FGF13: variants seen among roughly 807,000 people sequenced by gnomAD.
FGF13 encodes the protein fibroblast growth factor 13.
Under a neutral mutation model 19.5 loss-of-function variants are expected in FGF13, and 2 were observed. The ratio of observed to expected loss-of-function variants is 0.10; its 90% CI spans 0.04 to 0.32. The LOEUF (loss-of-function observed/expected upper bound fraction) is 0.32, where lower values mean the gene tolerates loss of function less well. Among genes scored for constraint, FGF13 ranks in the 10% least tolerant of loss-of-function variants. FGF13 has a pLI of 1.00. For synonymous variants in FGF13, 72 were observed against 76.9 expected, an observed-to-expected ratio of 0.94 and a Z score of 0.33; for missense variants, 113 against 192.7, an observed-to-expected ratio of 0.59 and a Z score of 2.45.
intron 1 of FGF13, among the ~76,000 whole-genome samples, chrX:138,884,451 T>C (rs949074532): frequency 2.7e-5 from 3 of 112,399 alleles, no homozygotes; most frequent in Non-Finnish European, 5.6e-5. Context: ...ACCCAAAGTA[T>C]TTGTTCTCTA....
intron 1 of FGF13, among the ~76,000 whole-genome samples, chrX:138,960,473 C>T (rs1424010715): frequency 9.0e-6 from 1 of 111,485 alleles, no homozygotes; most frequent in African/African-American, 3.3e-5. Flanking sequence ...TCATTTCAAC[C>T]TTGGTGAAGC....
At chrX:139,141,123 A>C (rs2083841994) in intron 1 of FGF13, among the ~76,000 whole-genome samples, 1 of 109,200 alleles carries the variant, frequency 9.2e-6, no homozygotes, top group Non-Finnish European at 1.9e-5. Flanking sequence ...ACACACACAC[A>C]CACACACACA....
intron 3 of FGF13, among the ~76,000 whole-genome samples, chrX:138,668,330 T>A (rs2089574993): frequency 9.0e-6 from 1 of 111,309 alleles, no homozygotes; most frequent in South Asian, 3.8e-4. Context: ...CCATGTAATG[T>A]CAGAGCCCTC....
At chrX:139,013,854 A>C (rs1209652044) in intron 1 of FGF13, among the ~76,000 whole-genome samples, 3 of 109,514 alleles carry the variant, frequency 2.7e-5, no homozygotes, top group African/African-American at 6.7e-5. Flanking sequence ...ACCAAACACC[A>C]CCTGTTCCCC....
intron 3 of FGF13, among the ~76,000 whole-genome samples, chrX:138,796,579 A>T (rs974671248): frequency 8.9e-6 from 1 of 111,899 alleles, no homozygotes; most frequent in African/African-American, 3.3e-5. Context: ...TCCTTTGGGT[A>T]TATACCCAGT....
chrX:138,666,607 T>G (rs1316209715), intron 3 of FGF13, among the ~76,000 whole-genome samples: 1 of 111,491 alleles, frequency 9.0e-6, no homozygotes, highest in Non-Finnish European at 1.9e-5. Flanking sequence ...GACATAAGTT[T>G]CCTTATCTAT....
At chrX:138,776,629 GT>G (rs2090589681) in intron 3 of FGF13, among the ~76,000 whole-genome samples, 1 of 112,169 alleles carries the variant, frequency 8.9e-6, no homozygotes, top group Admixed American at 9.4e-5. Context: ...TCACAGGAAA[GT>G]AAGTAGATTC....
At chrX:138,897,114 A>G (rs765125123) in intron 1 of FGF13, among the ~76,000 whole-genome samples, 26 of 111,437 alleles carry the variant, frequency 2.3e-4, no homozygotes, top group African/African-American at 8.5e-4. Flanking sequence ...GGCTCAAGAC[A>G]TTCTTCCACC....
chrX:138,821,548 C>T (rs191397398), intron 3 of FGF13, among the ~76,000 whole-genome samples: 30 of 111,476 alleles, frequency 2.7e-4, no homozygotes, highest in African/African-American at 8.1e-4. Context: ...TTGAAGACTT[C>T]GTATTTAGAA....
intron 3 of FGF13, among the ~76,000 whole-genome samples, chrX:138,655,000 G>A (rs1053375861): frequency 2.7e-5 from 3 of 111,473 alleles, no homozygotes; most frequent in African/African-American, 3.3e-5. Flanking sequence ...CTTTTGAGGA[G>A]TGAGGCTGCT....
In FGF13 at chrX:139,024,868, T is replaced by C. The variant is rs1357068798; in HGVS notation, c.-112-160218A>G. 2.7e-5 allele frequency among the ~76,000 whole-genome samples: 3 copies of C among 111,282 alleles called. No homozygotes were observed. In the East Asian group the frequency reaches 8.6e-4, roughly 32 times the overall value. ...ATCATTAATCTAAAGACCTCTGGTC[T>C]CTTGAAATGTTTGTTTCTCAACTAT... On this transcript the variant is annotated intron_variant, in intron 1 of 2. Coordinates refer to the FGF13 transcript ENST00000421460.
chrX:138,976,298 G>A (rs930575322), intron 1 of FGF13, among the ~76,000 whole-genome samples: 26 of 111,396 alleles, frequency 2.3e-4, no homozygotes, highest in African/African-American at 8.5e-4. Context: ...ACAAACCTAC[G>A]TGTCCATCAA....
intron 1 of FGF13, among the ~76,000 whole-genome samples, chrX:138,728,201 G>C (rs943714139): frequency 9.0e-6 from 1 of 110,920 alleles, no homozygotes; most frequent in Admixed American, 9.6e-5. Flanking sequence ...TCTTGTTTTG[G>C]CTCCGTGGGT....
intron 3 of FGF13, among the ~76,000 whole-genome samples, chrX:138,843,159 T>C (rs756158792): frequency 8.9e-6 from 1 of 112,197 alleles, no homozygotes; most frequent in Admixed American, 9.5e-5. Context: ...CACTCCCTGC[T>C]CCTCCAACCA....
rs775747561 is a variant in FGF13 at position 138,849,609 on chromosome X, A to G, written c.217+7903T>C. On this transcript the variant is annotated intron_variant, in intron 3 of 6. Coordinates refer to the FGF13 transcript ENST00000436198. ...GGGGAATCAACCAGTCTTTCAGGCT[A>G]TGCCTTTATGGACATGGAACATAGC... Among the ~76,000 whole-genome samples, 9 of 111,680 alleles carry G rather than the reference A, an allele frequency of 8.1e-5. No individual in the cohort carries two copies. In the South Asian group the frequency reaches 3.4e-3, roughly 42 times the overall value.
intron 1 of FGF13, among the ~76,000 whole-genome samples, chrX:138,894,968 C>T (rs2091496179): frequency 8.9e-6 from 1 of 111,919 alleles, no homozygotes; most frequent in African/African-American, 3.3e-5. Context: ...CCACCATGAT[C>T]GAGTGGGCTT....
intron 1 of FGF13, among the ~76,000 whole-genome samples, chrX:139,035,942 G>A (rs2092249170): frequency 8.9e-6 from 1 of 111,894 alleles, no homozygotes; most frequent in African/African-American, 3.3e-5. Context: ...AATAATTTCA[G>A]ATGATTTATT....
chrX:138,739,595 C>G (rs1351623875), upstream of FGF13, among the ~76,000 whole-genome samples: 1 of 111,435 alleles, frequency 9.0e-6, no homozygotes, highest in African/African-American at 3.3e-5. Context: ...TTTATTTTGC[C>G]TTCTAGAATT....
At chrX:138,787,324 T>G (rs1204172274) in intron 3 of FGF13, among the ~76,000 whole-genome samples, 1 of 111,961 alleles carries the variant, frequency 8.9e-6, no homozygotes, top group Non-Finnish European at 1.9e-5. Flanking sequence ...GATGTCTTAG[T>G]CATTTGGGGC....
Sources: allele counts gnomAD v4.1 joint callset (sites outside exome capture counted in the v4.1 genomes callset), GRCh38; gene constraint gnomAD v4.1.1; transcripts MANE v1.5; gene names NCBI Gene and HGNC (gene_info 2026-07-23, HGNC 2026-07-21).